The following TENM3 variants were observed in gnomAD, a reference collection of about 807,000 sequenced individuals.
TENM3 encodes teneurin transmembrane protein 3, also known as teneurin-3.
In TENM3, 63 loss-of-function variants were observed where a neutral mutation model predicts 255.1. The ratio of observed to expected loss-of-function variants is 0.25; its 90% CI spans 0.20 to 0.30. The LOEUF (loss-of-function observed/expected upper bound fraction) is 0.30, where lower values mean the gene tolerates loss of function less well. Ranked by LOEUF, TENM3 falls within the 10% of genes least tolerant of loss-of-function variation. TENM3 has a pLI of 1.00. For synonymous variants in TENM3, 1,306 were observed against 1,322.3 expected (o/e 0.99, Z 0.27); for missense variants, 2,929 against 3,461.1 (o/e 0.85, Z 3.86).
At chr4:182,357,846 T>C (rs1309026150) in intron 3 of TENM3, among the ~76,000 whole-genome samples, 2 of 151,948 alleles carry the variant, frequency 1.3e-5, no homozygotes. Context: ...TTTTTATGGT[T>C]TTAAGTCTAA....
chr4:182,620,002 A>C (rs1209291855), intron 4 of TENM3, among the ~76,000 whole-genome samples: 1 of 152,216 alleles, frequency 6.6e-6, no homozygotes, highest in Non-Finnish European at 1.5e-5. Context: ...CTGAGAAGTA[A>C]AGAAAATTTC....
the TENM3 span, among the ~76,000 whole-genome samples, chr4:181,526,266 A>AT: frequency 2.2e-5 from 3 of 134,904 alleles, no homozygotes; most frequent in Non-Finnish European, 4.9e-5. Context: ...AAGAATCCAA[A>AT]TTAAAAAAAA....
At chr4:182,109,050 C>CA in the TENM3 span, among the ~76,000 whole-genome samples, 4 of 151,338 alleles carry the variant, frequency 2.6e-5, no homozygotes, top group Non-Finnish European at 5.9e-5. Context: ...TCAATTCTAC[C>CA]AAAAAACATA....
the TENM3 span, among the ~76,000 whole-genome samples, chr4:181,498,273 T>G: frequency 6.6e-6 from 1 of 152,188 alleles, no homozygotes; most frequent in African/African-American, 2.4e-5. Context: ...TGACTATAAA[T>G]TCAATAATAG....
chr4:182,112,138 G>C, the TENM3 span, among the ~76,000 whole-genome samples: 2 of 152,156 alleles, frequency 1.3e-5, no homozygotes, highest in Non-Finnish European at 2.9e-5. Context: ...CTGGGTGACA[G>C]AGGGAAATCC....
At chr4:181,668,925 T>A in the TENM3 span, among the ~76,000 whole-genome samples, 26 of 152,154 alleles carry the variant, frequency 1.7e-4, no homozygotes, top group Admixed American at 1.7e-3. Context: ...ACATTTTCAT[T>A]TTGTTCCTTC....
chr4:182,800,143 G>T lies in TENM3; in HGVS notation c.7892G>T (p.Arg2631Leu), dbSNP rs781718271. Reference protein sequence around the residue: ...LEQARQRALARAWAREQQRVR... With the variant: ...LEQARQRALALAWAREQQRVR... ...CAGGCGCGGCAGCGCGCGCTCGCCC[G>T]GGCCTGGGCGCGCGAGCAGCAGCGC... Residue 2631 changes from arginine to leucine, a missense_variant, in exon 28 of 28, where the codon CGG (arginine) becomes CTG (leucine). Physicochemically the swap from Arg to Leu is moderately radical, Grantham distance 102. Around this residue, in one of 6 missense-constraint regions of TENM3, gnomAD observed 476 missense variants for 480.1 expected, o/e 0.99. Coordinates refer to ENST00000511685, the MANE Select transcript of TENM3 (RefSeq NM_001080477.4). 6.9e-7 allele frequency: 1 copy of T among 1,447,412 alleles called. No homozygotes were observed. Among genetic ancestry groups the T allele is most frequent in the South Asian group, 1.4e-5 (1 of 70,274 alleles). The allele number at this position is 1,447,412 out of a possible 1,614,324, so 89.7% of individuals were successfully genotyped here. A position where few individuals can be genotyped will look rare whatever the true frequency, so the allele number is the denominator to read the frequency against.
the TENM3 span, among the ~76,000 whole-genome samples, chr4:182,131,337 A>G: frequency 6.6e-6 from 1 of 152,232 alleles, no homozygotes; most frequent in African/African-American, 2.4e-5. Flanking sequence ...CTGTTAGAAG[A>G]TAAACCTAAA....
At chr4:182,791,673 C>A (rs1362316857) in intron 25 of TENM3, among the ~76,000 whole-genome samples, 1 of 152,124 alleles carries the variant, frequency 6.6e-6, no homozygotes, top group East Asian at 1.9e-4. Context: ...CTATTAAGGG[C>A]ATTTATAGCT....
At chr4:181,717,630 G>A in the TENM3 span, among the ~76,000 whole-genome samples, 1 of 152,216 alleles carries the variant, frequency 6.6e-6, no homozygotes, top group Non-Finnish European at 1.5e-5. Flanking sequence ...GAGATGGTTA[G>A]AGAATAGCTG....
the TENM3 span, among the ~76,000 whole-genome samples, chr4:181,949,988 C>G: frequency 6.6e-6 from 1 of 152,190 alleles, no homozygotes; most frequent in Non-Finnish European, 1.5e-5. Context: ...TTTCTCAGGT[C>G]TCTGAGCCTA....
chr4:181,891,249 T>C, the TENM3 span, among the ~76,000 whole-genome samples: 2 of 152,238 alleles, frequency 1.3e-5, no homozygotes, highest in South Asian at 2.1e-4. Flanking sequence ...AGGAGTTGGC[T>C]ACTTGTTCCC....
chr4:182,125,649 C>T, the TENM3 span, among the ~76,000 whole-genome samples: 2 of 151,758 alleles, frequency 1.3e-5, no homozygotes, highest in African/African-American at 4.8e-5. Flanking sequence ...CCAGCATAGG[C>T]AAGCCCTTTA....
chr4:182,657,054 C>A (rs1753819007), intron 6 of TENM3, among the ~76,000 whole-genome samples: 1 of 152,134 alleles, frequency 6.6e-6, no homozygotes, highest in Admixed American at 6.5e-5. Context: ...TAAAATTATT[C>A]CCCTGGCCCA....
At chr4:182,491,783 A>G (rs905612585) in intron 3 of TENM3, among the ~76,000 whole-genome samples, 1 of 152,196 alleles carries the variant, frequency 6.6e-6, no homozygotes, top group African/African-American at 2.4e-5. Flanking sequence ...GCAGGTTGCA[A>G]TAGTATTGCA....
chr4:181,890,223 C>T, the TENM3 span, among the ~76,000 whole-genome samples: 1 of 152,280 alleles, frequency 6.6e-6, no homozygotes, highest in African/African-American at 2.4e-5. Flanking sequence ...ACATCAGCCA[C>T]CAGCTTTAGG....
At chr4:182,026,085 C>T in the TENM3 span, among the ~76,000 whole-genome samples, 2 of 152,142 alleles carry the variant, frequency 1.3e-5, no homozygotes, top group Non-Finnish European at 2.9e-5. Context: ...GTTTGGTTTT[C>T]TGTCCTTGTG....
chr4:181,462,905 A>C, the TENM3 span, among the ~76,000 whole-genome samples: 1 of 152,130 alleles, frequency 6.6e-6, no homozygotes, highest in Non-Finnish European at 1.5e-5. Context: ...TACCTTATTC[A>C]TCCCTGTGAC....
intron 1 of TENM3, among the ~76,000 whole-genome samples, chr4:182,216,431 T>C (rs572644130): frequency 6.6e-6 from 1 of 152,338 alleles, no homozygotes; most frequent in South Asian, 2.1e-4. Context: ...AAATTCCTGG[T>C]ATGATGTGCC....
Sources: gnomAD v4.1 joint callset for allele counts (sites outside exome capture counted in the v4.1 genomes callset) on GRCh38, gnomAD v4.1.1 for gene constraint, gnomAD v4.1.1 regional missense constraint, MANE v1.5 for transcripts, NCBI Gene and HGNC (gene_info 2026-07-23, HGNC 2026-07-21) for gene names.